PTPRD: variants seen among roughly 807,000 people sequenced by gnomAD.
PTPRD encodes receptor-type tyrosine-protein phosphatase delta.
A neutral mutation model predicts 214.5 loss-of-function variants in PTPRD; 34 were observed. The observed-to-expected ratio is 0.16, with a 90% CI of 0.12 to 0.21. The LOEUF is 0.21. Among genes scored for constraint, PTPRD ranks in the 10% least tolerant of loss-of-function variants. The pLI is 1.00. For missense variants in PTPRD, 2,545 were observed against 2,398.7 expected, an observed-to-expected ratio of 1.06 and a Z score of -1.27; for synonymous variants, 1,128 against 845.7, an observed-to-expected ratio of 1.33 and a Z score of -5.79.
intron 2 of PTPRD, among the ~76,000 whole-genome samples, chr9:10,581,679 G>C (rs528626017): frequency 2.0e-5 from 3 of 152,114 alleles, no homozygotes; most frequent in Admixed American, 6.6e-5. Context: ...AAGACAACTC[G>C]CTTGCTGTGT....
chr9:8,491,269 A>G (rs977136181), intron 27 of PTPRD, among the ~76,000 whole-genome samples: 1 of 152,218 alleles, frequency 6.6e-6, no homozygotes, highest in Non-Finnish European at 1.5e-5. Flanking sequence ...CTATATGTGA[A>G]TAAGTTCCAA....
intron 11 of PTPRD, among the ~76,000 whole-genome samples, chr9:8,912,879 C>T (rs1024674864): frequency 6.6e-6 from 1 of 151,980 alleles, no homozygotes; most frequent in Admixed American, 6.6e-5. Flanking sequence ...GTGTAAATAC[C>T]TATGTCCCTA....
chr9:10,161,857 T>C (rs1312718068), intron 3 of PTPRD, among the ~76,000 whole-genome samples: 1 of 151,608 alleles, frequency 6.6e-6, no homozygotes, highest in East Asian at 1.9e-4. Flanking sequence ...AAAAAGATAA[T>C]AATCTAATTG....
chr9:9,419,090 T>G (rs1047065507), intron 8 of PTPRD, among the ~76,000 whole-genome samples: 18 of 150,092 alleles, frequency 1.2e-4, no homozygotes, highest in African/African-American at 3.9e-4. Context: ...TACAACTGGG[T>G]AAGCTTAGTT....
chr9:8,756,903 G>A (rs1421091494), intron 11 of PTPRD, among the ~76,000 whole-genome samples: 1 of 152,140 alleles, frequency 6.6e-6, no homozygotes, highest in Admixed American at 6.5e-5. Flanking sequence ...CACCTTGGGA[G>A]GCCGAGGTGG....
chr9:9,756,642 G>T (rs1034891693), intron 6 of PTPRD, among the ~76,000 whole-genome samples: 1 of 152,074 alleles, frequency 6.6e-6, no homozygotes, highest in African/African-American at 2.4e-5. Flanking sequence ...AAATGTTTTG[G>T]AACTGGATAG....
At chr9:9,212,618 A>G (rs1300021967) in intron 9 of PTPRD, among the ~76,000 whole-genome samples, 1 of 152,202 alleles carries the variant, frequency 6.6e-6, no homozygotes, top group Admixed American at 6.5e-5. Flanking sequence ...AAAACAGAAG[A>G]AGGAGCAAGA....
intron 10 of PTPRD, among the ~76,000 whole-genome samples, chr9:9,055,447 C>T (rs1307378257): frequency 1.3e-5 from 2 of 152,028 alleles, no homozygotes; most frequent in South Asian, 4.1e-4. Context: ...ATACGTAATG[C>T]CAGTCTCATC....
intron 9 of PTPRD, among the ~76,000 whole-genome samples, chr9:9,314,909 T>A (rs1961719102): frequency 6.6e-6 from 1 of 152,024 alleles, no homozygotes; most frequent in Non-Finnish European, 1.5e-5. Flanking sequence ...TTTCTCCAGA[T>A]ATCCATCACA....
chr9:9,235,372 C>A (rs4742571), intron 9 of PTPRD, among the ~76,000 whole-genome samples: 33,670 of 151,974 alleles, frequency 0.22, 4,120 homozygotes, highest in Middle Eastern at 0.33. Context: ...GAAGAGTTTC[C>A]ACTGATGGGG....
At chr9:8,442,991 T>G (rs1176078255) in intron 34 of PTPRD, among the ~76,000 whole-genome samples, 1 of 152,176 alleles carries the variant, frequency 6.6e-6, no homozygotes, top group East Asian at 1.9e-4. Context: ...AAAAATTTTT[T>G]TAAATGAACC....
At chr9:10,356,109 T>C (rs1392147931) in intron 2 of PTPRD, among the ~76,000 whole-genome samples, 1 of 150,020 alleles carries the variant, frequency 6.7e-6, no homozygotes, top group African/African-American at 2.5e-5. Flanking sequence ...AAGAGAAAAT[T>C]GCCTTTTTTT....
At chr9:8,451,091 C>A (rs2095925612) in intron 33 of PTPRD, among the ~76,000 whole-genome samples, 1 of 152,176 alleles carries the variant, frequency 6.6e-6, no homozygotes, top group Non-Finnish European at 1.5e-5. Flanking sequence ...GTTAAATAGC[C>A]TTTCTTCCCA....
At chr9:8,469,920 G>A (rs1028637729) in intron 31 of PTPRD, among the ~76,000 whole-genome samples, 2 of 152,076 alleles carry the variant, frequency 1.3e-5, no homozygotes, top group Admixed American at 1.3e-4. Flanking sequence ...TCAGATCACA[G>A]TCTCCTTTGT....
In PTPRD at chr9:9,974,007, A is replaced by G. The variant is rs372383663; in HGVS notation, c.-471-35397T>C. 9.2e-4 allele frequency among the ~76,000 whole-genome samples: 140 copies of G among 152,312 alleles called. 1 individual carries two copies. Among genetic ancestry groups the G allele is most frequent in the African/African-American group, 3.2e-3 (132 of 41,578 alleles). ...TGGTTCTGTAAATAGATTTGTTCCC[A>G]TCATAGGAATTTAGAAATTGTGACT... On this transcript the variant is annotated intron_variant, in intron 4 of 45. Coordinates refer to ENST00000381196, the MANE Select transcript of PTPRD (RefSeq NM_002839.4).
At chr9:9,815,836 G>A (rs2821486) in intron 5 of PTPRD, among the ~76,000 whole-genome samples, 59,357 of 151,976 alleles carry the variant, frequency 0.39, 13,132 homozygotes, top group African/African-American at 0.61. Context: ...ATGACATGGT[G>A]ACTGTAGTTA....
At chr9:8,646,554 C>A (rs187404456) in intron 12 of PTPRD, among the ~76,000 whole-genome samples, 1 of 152,208 alleles carries the variant, frequency 6.6e-6, no homozygotes, top group African/African-American at 2.4e-5. Flanking sequence ...TGCCTTCTTT[C>A]CCACTTTTGA....
At chr9:9,194,354 C>T (rs2099937001) in intron 9 of PTPRD, among the ~76,000 whole-genome samples, 1 of 152,250 alleles carries the variant, frequency 6.6e-6, no homozygotes, top group South Asian at 2.1e-4. Context: ...AATACATAAA[C>T]TAGTAACATA....
At chr9:8,372,590 G>T (rs772183645) in intron 39 of PTPRD, among the ~76,000 whole-genome samples, 2 of 151,974 alleles carry the variant, frequency 1.3e-5, no homozygotes, top group African/African-American at 2.4e-5. Context: ...GAGATTCTAT[G>T]CTCTGTATGA....
Sources: allele counts gnomAD v4.1 joint callset (sites outside exome capture counted in the v4.1 genomes callset), GRCh38; gene constraint gnomAD v4.1.1; transcripts MANE v1.5; gene names NCBI Gene and HGNC (gene_info 2026-07-23, HGNC 2026-07-21).